RTTN: variants seen among roughly 807,000 people sequenced by gnomAD.
RTTN encodes the protein rotatin.
RTTN carries 182 observed loss-of-function variants against 269.2 expected under a neutral mutation model. The ratio of observed to expected loss-of-function variants is 0.68; its 90% confidence interval spans 0.60 to 0.76. The LOEUF (loss-of-function observed/expected upper bound fraction) is 0.76, where lower values mean the gene tolerates loss of function less well. Among genes scored for constraint, RTTN ranks in the 30% least tolerant of loss-of-function variants. The probability of loss-of-function intolerance (pLI) is 0.00; values close to 1 mark genes in which losing one functional copy is unlikely to be tolerated. For missense variants in RTTN, 2,545 were observed against 2,608.6 expected (o/e 0.98, Z 0.53); for synonymous variants, 1,006 against 963.5 (o/e 1.04, Z -0.82).
chr18:70,120,266 C>G (rs1448989727), intron 26 of RTTN, among the ~76,000 whole-genome samples: 1 of 152,074 alleles, frequency 6.6e-6, no homozygotes, highest in Admixed American at 6.5e-5. Flanking sequence ...CAGATATGCC[C>G]TCTTAAACCT....
chr18:70,125,228 T>C (rs965573359), intron 25 of RTTN, among the ~76,000 whole-genome samples: 4 of 152,058 alleles, frequency 2.6e-5, no homozygotes, highest in Non-Finnish European at 5.9e-5. Context: ...TAAATAGTCA[T>C]GGTTTAGGGT....
intron 30 of RTTN, among the ~76,000 whole-genome samples, chr18:70,090,003 G>A (rs1040887268): frequency 6.6e-6 from 1 of 152,162 alleles, no homozygotes; most frequent in African/African-American, 2.4e-5. Flanking sequence ...AACATGGAGG[G>A]TGTGGCTGAA....
intron 10 of RTTN, among the ~76,000 whole-genome samples, chr18:70,187,212 T>C (rs2061567830): frequency 6.6e-6 from 1 of 152,108 alleles, no homozygotes; most frequent in African/African-American, 2.4e-5. Context: ...ATCTCACGTA[T>C]AGATAGATAG....
chr18:70,193,577 G>A, intron 7 of RTTN, 124 bp from the exon 8 acceptor site: 3 of 694,858 alleles, frequency 4.3e-6, no homozygotes, highest in East Asian at 3.4e-5. Context: ...CTTCTACAGG[G>A]GTAAAAACAA....
intron 28 of RTTN, 33 bp from the exon 29 acceptor site, chr18:70,092,837 CTTTA>C (rs760849598): frequency 1.3e-6 from 2 of 1,581,466 alleles, no homozygotes; most frequent in South Asian, 1.1e-5. Flanking sequence ...TTCATGGTGG[CTTTA>C]TTCTCAATGG....
intron 23 of RTTN, chr18:70,130,740 T>TA (rs1363319449): frequency 6.6e-6 from 1 of 151,676 alleles, no homozygotes; most frequent in Non-Finnish European, 1.5e-5. Context: ...AGGGTAAAAA[T>TA]AGTTAACAGT....
rs1343091348 is a variant in RTTN, at chr18:70,024,846, T to G, written c.5826A>C (p.Glu1942Asp). 6.2e-7 allele frequency: 1 copy of G among 1,612,986 alleles called. No homozygotes were observed. Among genetic ancestry groups the G allele is most frequent in the South Asian group, 1.1e-5 (1 of 90,688 alleles). ...GGACAAGGTGAGCTTCAAGAGCTGC[T>G]TCCTGTTGAAGGAAGGGAAAAAGAC... ...NCLYQNEECKEAALEAHLVPV... is the reference protein window; with the variant it reads ...NCLYQNEECKDAALEAHLVPV... Residue 1942 changes from glutamate to aspartate, a missense_variant and splice_region_variant, in exon 44 of 49, where the codon GAA becomes GAC. Coordinates refer to ENST00000640769, the MANE Select transcript of RTTN (RefSeq NM_173630.4).
chr18:70,054,963 A>G (rs1025360563), intron 37 of RTTN, among the ~76,000 whole-genome samples: 1 of 152,226 alleles, frequency 6.6e-6, no homozygotes, highest in African/African-American at 2.4e-5. Flanking sequence ...TTCAAAGTGC[A>G]TAAGCAGGGG....
chr18:70,064,331 G>C, intron 35 of RTTN, among the ~76,000 whole-genome samples: 1 of 65,948 alleles, frequency 1.5e-5, no homozygotes, highest in East Asian at 5.0e-4. Context: ...GAGTGAGACT[G>C]CCTCCAAAAA....
intron 34 of RTTN, among the ~76,000 whole-genome samples, chr18:70,070,828 G>A (rs2058274919): frequency 6.6e-6 from 1 of 152,158 alleles, no homozygotes; most frequent in African/African-American, 2.4e-5. Flanking sequence ...TATGCTTTAT[G>A]TTCTCAAGTA....
At chr18:70,126,460 G>A (rs1376419754) in intron 25 of RTTN, among the ~76,000 whole-genome samples, 2 of 152,102 alleles carry the variant, frequency 1.3e-5, no homozygotes, top group African/African-American at 4.8e-5. Context: ...ATATACTACT[G>A]TAGACAATGT....
At chr18:70,130,467 T>A (rs2059970263) in intron 23 of RTTN, 1 of 151,884 alleles carries the variant, frequency 6.6e-6, no homozygotes, top group Non-Finnish European at 1.5e-5. Flanking sequence ...AATGAAATCC[T>A]GTCACTTGAA....
chr18:70,173,061 T>G (rs1286679549), intron 11 of RTTN, among the ~76,000 whole-genome samples: 1 of 152,214 alleles, frequency 6.6e-6, no homozygotes, highest in African/African-American at 2.4e-5. Flanking sequence ...ACATAATGAC[T>G]AGTGAATACA....
intron 30 of RTTN, among the ~76,000 whole-genome samples, chr18:70,090,133 G>A (rs2058804660): frequency 6.6e-6 from 1 of 152,178 alleles, no homozygotes; most frequent in African/African-American, 2.4e-5. Flanking sequence ...AACTAAAGAG[G>A]ACAGAGAAAG....
chr18:70,080,928 TCACACACACACACACACA>T (rs138851066), intron 32 of RTTN, among the ~76,000 whole-genome samples: 16 of 146,796 alleles, frequency 1.1e-4, no homozygotes, highest in South Asian at 6.6e-4. Context: ...GTGTGTGGTA[TCACACACACACACACACA>T]CACACACACA....
At chr18:70,109,820 A>G in intron 27 of RTTN, 103 bp from the exon 28 acceptor site, 1 of 872,070 alleles carries the variant, frequency 1.1e-6, no homozygotes. Flanking sequence ...TAGTAATAGA[A>G]AAAAATGAAC....
intron 24 of RTTN, chr18:70,128,147 CT>C (rs1304875802): frequency 2.0e-6 from 1 of 503,834 alleles, no homozygotes; most frequent in Non-Finnish European, 3.5e-6. Context: ...GAGTAAAATG[CT>C]TTTTCATTTA....
rs865780935 is a variant in RTTN at position 70,127,560 on chromosome 18, A to G, written c.3325T>C (p.Cys1109Arg). ...LLNDRLSLKG[C>R]PGPCGVTLKS... is the part of the protein sequence containing the mutation. ...AAGGTAACCCCACATGGACCAGGGC[A>G]ACCCTTTAAAGACAATCTGTCATTC... Residue 1109 changes from cysteine to arginine, a missense_variant, in exon 25 of 49, where the codon TGC becomes CGC. Physicochemically the swap from Cys to Arg is radical, Grantham distance 180. Transcript: ENST00000640769. 6.2e-7 allele frequency: 1 copy of G among 1,613,442 alleles called. No homozygotes were observed. Among genetic ancestry groups the G allele is most frequent in the Admixed American group, 1.7e-5 (1 of 59,840 alleles).
chr18:70,098,829 T>C (rs913323939), intron 28 of RTTN, among the ~76,000 whole-genome samples: 2 of 152,132 alleles, frequency 1.3e-5, no homozygotes, highest in Non-Finnish European at 2.9e-5. Context: ...GTGTGTGATG[T>C]TCCCTACCCT....
Sources: gnomAD v4.1 joint callset for allele counts (sites outside exome capture counted in the v4.1 genomes callset) on GRCh38, gnomAD v4.1.1 for gene constraint, MANE v1.5 for transcripts, NCBI Gene and HGNC (gene_info 2026-07-23, HGNC 2026-07-21) for gene names.